Variants in ST8SIA6 observed in about 807,000 individuals in gnomAD.
ST8SIA6 encodes alpha-2,8-sialyltransferase 8F.
ST8SIA6 carries 39 observed loss-of-function variants against 33.6 expected under a neutral mutation model. The observed-to-expected ratio is 1.16, with a 90% CI of 0.90 to 1.52. The LOEUF (loss-of-function observed/expected upper bound fraction) is 1.52, where lower values mean the gene tolerates loss of function less well. Ranked by LOEUF, ST8SIA6 falls within the 40% of genes most tolerant of loss-of-function variation. The probability of loss-of-function intolerance (pLI) is 0.00; values close to 1 mark genes in which losing one functional copy is unlikely to be tolerated. For synonymous variants in ST8SIA6, 172 were observed against 167.2 expected (o/e 1.03, Z -0.22); for missense variants, 441 against 443.8 (o/e 0.99, Z 0.06).
chr10:17,401,627 C>T (rs1851046635), intron 2 of ST8SIA6, among the ~76,000 whole-genome samples: 1 of 152,202 alleles, frequency 6.6e-6, no homozygotes, highest in Non-Finnish European at 1.5e-5. Flanking sequence ...AATAATACCA[C>T]ACATCTGCAA....
At chr10:17,390,850 ATTT>A (rs1456060304) in intron 2 of ST8SIA6, among the ~76,000 whole-genome samples, 1 of 144,484 alleles carries the variant, frequency 6.9e-6, no homozygotes, top group East Asian at 2.2e-4. Context: ...AGAGAACTCT[ATTT>A]TGAAGACCTT....
rs918141465 is a variant in ST8SIA6 at position 17,351,375 on chromosome 10, T to TA, written c.377+8138dup. Among the ~76,000 whole-genome samples, 29 of 149,352 alleles carry TA rather than the reference T, an allele frequency of 1.9e-4. No homozygotes were observed. The East Asian group carries it at 3.7e-3, about 19-fold the overall frequency. ...TACCTCTTCATTTGTTAAATGGGGTTAAAAAAAAAGTTAAATTTCTTCCAG... is the reference window on the plus strand; with the variant it reads ...TACCTCTTCATTTGTTAAATGGGGTTAAAAAAAAAAGTTAAATTTCTTCCAG... On this transcript the variant is annotated intron_variant, in intron 4 of 7. Coordinates refer to ENST00000377602, the MANE Select transcript of ST8SIA6 (RefSeq NM_001004470.3).
In ST8SIA6 at chr10:17,317,690, C is replaced by T. The variant is rs549437319; in HGVS notation, c.*3188G>A. ...GAGTGATTTACGGTACTTGACATTA[C>T]ATAATACTTAGCTGGTAAATTTTTT... On this transcript the variant is annotated 3_prime_UTR_variant, in exon 8 of 8. Transcript: ENST00000377602. Among the ~76,000 whole-genome samples the T allele has an allele frequency of 1.3e-4, 20 of 152,264 alleles. No homozygotes were observed. Among genetic ancestry groups the T allele is most frequent in the Non-Finnish European group, 2.6e-4 (18 of 68,032 alleles).
At chr10:17,414,103 A>T (rs1851534806) in intron 2 of ST8SIA6, among the ~76,000 whole-genome samples, 1 of 151,914 alleles carries the variant, frequency 6.6e-6, no homozygotes, top group South Asian at 2.1e-4. Flanking sequence ...AAACATTCTT[A>T]TCTCTCTTGT....
At chr10:17,453,308 T>C (rs536450385) in intron 2 of ST8SIA6, among the ~76,000 whole-genome samples, 2 of 151,620 alleles carry the variant, frequency 1.3e-5, no homozygotes, top group South Asian at 4.2e-4. Context: ...TCAGCACCCG[T>C]TTTTCAAATG....
chr10:17,377,530 T>A (rs145601379), intron 3 of ST8SIA6, among the ~76,000 whole-genome samples: 19 of 152,360 alleles, frequency 1.2e-4, no homozygotes, highest in African/African-American at 4.1e-4. Context: ...GATAGGCATG[T>A]GAACAAGACA....
intron 4 of ST8SIA6, among the ~76,000 whole-genome samples, chr10:17,357,217 C>A (rs1287777863): frequency 6.6e-6 from 1 of 152,062 alleles, no homozygotes; most frequent in East Asian, 1.9e-4. Flanking sequence ...CCTCTGCCTC[C>A]TGAGTTCAAG....
intron 2 of ST8SIA6, among the ~76,000 whole-genome samples, chr10:17,446,447 G>C (rs1406233960): frequency 6.6e-6 from 1 of 152,168 alleles, no homozygotes; most frequent in Non-Finnish European, 1.5e-5. Context: ...TGCTTTCTGA[G>C]ATGTAAACTG....
chr10:17,446,602 C>G (rs567506576), intron 2 of ST8SIA6, among the ~76,000 whole-genome samples: 1 of 151,928 alleles, frequency 6.6e-6, no homozygotes, highest in African/African-American at 2.4e-5. Context: ...GAGAAGCCAT[C>G]CCAGAAAGCA....
chr10:17,347,725 C>T lies in ST8SIA6; in HGVS notation c.377+11789G>A, dbSNP rs1385136446. 5.9e-5 allele frequency among the ~76,000 whole-genome samples: 9 copies of T among 152,002 alleles called. 1 individual carries two copies. The highest frequency in any genetic ancestry group is 5.9e-4 in the Admixed American group (9 of 15,260). On this transcript the variant is annotated intron_variant, in intron 4 of 7. Transcript: ENST00000377602. Reference sequence around the variant, plus strand: ...CCAAAGCGGGTGGATCACGAGGTCACGAGATCGAGACCATCCTGGCTAACA... The same window carrying T: ...CCAAAGCGGGTGGATCACGAGGTCATGAGATCGAGACCATCCTGGCTAACA...
intron 4 of ST8SIA6, among the ~76,000 whole-genome samples, chr10:17,348,131 G>T (rs1037071458): frequency 6.7e-6 from 1 of 148,818 alleles, no homozygotes; most frequent in Admixed American, 6.7e-5. Flanking sequence ...GTGTGAAGAA[G>T]AAAATGTAAA....
At chr10:17,430,282 T>A (rs778242245) in intron 2 of ST8SIA6, among the ~76,000 whole-genome samples, 1 of 152,218 alleles carries the variant, frequency 6.6e-6, no homozygotes, top group Non-Finnish European at 1.5e-5. Flanking sequence ...ACACCACATC[T>A]TCTTTATCAA....
intron 2 of ST8SIA6, among the ~76,000 whole-genome samples, chr10:17,419,997 G>T (rs967218323): frequency 6.6e-6 from 1 of 152,178 alleles, no homozygotes; most frequent in African/African-American, 2.4e-5. Context: ...ACCTGGTGGA[G>T]ACTTAAATAG....
In ST8SIA6 at chr10:17,428,399, A is replaced by G. The variant is rs571407882; in HGVS notation, c.200+25160T>C. Reference sequence around the variant, plus strand: ...GCAAATGCTTATTTTTATTTGATATATGACCCTCCATAAATGCTGGAGATA... The same window carrying G: ...GCAAATGCTTATTTTTATTTGATATGTGACCCTCCATAAATGCTGGAGATA... On this transcript the variant is annotated intron_variant, in intron 2 of 7. Transcript: ENST00000377602. Among the ~76,000 whole-genome samples, 3 of 152,258 alleles carry G rather than the reference A, an allele frequency of 2.0e-5. No homozygotes were observed. In the South Asian group the frequency reaches 6.2e-4, roughly 32 times the overall value.
chr10:17,436,838 G>A (rs1003399275), intron 2 of ST8SIA6, among the ~76,000 whole-genome samples: 2 of 152,038 alleles, frequency 1.3e-5, no homozygotes, highest in Non-Finnish European at 2.9e-5. Flanking sequence ...TTTTATAAAG[G>A]GTAGTTTTCC....
chr10:17,368,221 T>C (rs1588847531), intron 3 of ST8SIA6, among the ~76,000 whole-genome samples: 2 of 93,092 alleles, frequency 2.1e-5, no homozygotes, highest in Non-Finnish European at 3.9e-5. Context: ...CATGGACAAA[T>C]CCTGTCTCTA....
intron 2 of ST8SIA6, among the ~76,000 whole-genome samples, chr10:17,441,463 C>T (rs1852490847): frequency 6.6e-6 from 1 of 152,074 alleles, no homozygotes; most frequent in Admixed American, 6.6e-5. Context: ...CAGGCATGCA[C>T]CACCATGCCT....
chr10:17,322,094 C>G (rs200544708), intron 7 of ST8SIA6, among the ~76,000 whole-genome samples: 3 of 134,344 alleles, frequency 2.2e-5, no homozygotes, highest in Non-Finnish European at 4.7e-5. Context: ...CAAAGAGAGA[C>G]AGAGAGAGAG....
At chr10:17,369,344 A>C (rs983169455) in intron 3 of ST8SIA6, among the ~76,000 whole-genome samples, 20 of 152,240 alleles carry the variant, frequency 1.3e-4, no homozygotes, top group Middle Eastern at 6.8e-3. Flanking sequence ...ATATTTAGAA[A>C]TGTGTTGTTT....
Sources: gnomAD v4.1 joint callset for allele counts (sites outside exome capture counted in the v4.1 genomes callset) on GRCh38, gnomAD v4.1.1 for gene constraint, MANE v1.5 for transcripts, NCBI Gene and HGNC (gene_info 2026-07-23, HGNC 2026-07-21) for gene names.